NME9: variants seen among roughly 807,000 people sequenced by gnomAD.
NME9 encodes thioredoxin domain-containing protein 6.
In NME9, 48 loss-of-function variants were observed where a neutral mutation model predicts 44.4. The observed-to-expected ratio is 1.08, with a 90% confidence interval of 0.86 to 1.37. The LOEUF (loss-of-function observed/expected upper bound fraction) is 1.37, where lower values mean the gene tolerates loss of function less well. Among genes scored for constraint, NME9 ranks in the 40% most tolerant of loss-of-function variants. The pLI, the probability that NME9 is intolerant of heterozygous loss-of-function variation, is 0.00. For missense variants in NME9, 325 were observed against 405.2 expected, an observed-to-expected ratio of 0.80 and a Z score of 1.70; for synonymous variants, 139 against 147.1, an observed-to-expected ratio of 0.94 and a Z score of 0.40.
At chr3:138,270,258 T>C (rs2048663830) in intron 8 of NME9, 2 of 733,544 alleles carry the variant, frequency 2.7e-6, no homozygotes, top group Admixed American at 2.7e-5. Context: ...TATTTTGTTC[T>C]AGTTTTCTAA....
chr3:138,274,387 C>A, intron 8 of NME9: 3 of 1,089,804 alleles, frequency 2.8e-6, no homozygotes, highest in Non-Finnish European at 2.8e-6. Context: ...CTTTTAGAAG[C>A]CTTGTATTCG....
chr3:138,287,739 C>T, intron 8 of NME9: 1 of 456,292 alleles, frequency 2.2e-6, no homozygotes, highest in East Asian at 6.9e-5. Flanking sequence ...TTTGTCTCTG[C>T]TTAGTTGAAA....
At chr3:138,263,902 C>T in intron 8 of NME9, 1 of 1,251,244 alleles carries the variant, frequency 8.0e-7, no homozygotes, top group Non-Finnish European at 1.2e-6. Context: ...ACTGAGTAAA[C>T]ACAGACTACA....
At chr3:138,315,480 C>G in intron 5 of NME9, 47 bp downstream of exon 5, 1 of 1,292,444 alleles carries the variant, frequency 7.7e-7, no homozygotes, top group Non-Finnish European at 1.1e-6. Flanking sequence ...TCTCGCCCTA[C>G]TAGCGCACTT....
At chr3:138,284,562 T>C (rs2050224632) in intron 8 of NME9, 1 of 1,434,582 alleles carries the variant, frequency 7.0e-7, no homozygotes. Context: ...AGGATTAGAA[T>C]GCAGGGACTG....
Position 138,329,392 on chromosome 3 carries a change from C to T in NME9, c.-57G>A. The T allele has an allele frequency of 3.4e-5, 52 of 1,535,560 alleles. No homozygotes were observed. The highest frequency in any genetic ancestry group is 4.4e-5 in the Non-Finnish European group (50 of 1,146,658). ...GCGGCCGTGGGCCGTTCCCCCGCAGCCTCGCGACAAACCGCTGCGTGGATC... is the reference window on the plus strand; with the variant it reads ...GCGGCCGTGGGCCGTTCCCCCGCAGTCTCGCGACAAACCGCTGCGTGGATC... On this transcript the variant is annotated 5_prime_UTR_variant, in exon 1 of 11. Coordinates refer to ENST00000333911, the MANE Select transcript of NME9 (RefSeq NM_001349018.2).
Position 138,286,765 on chromosome 3 carries a change from C to G in NME9, c.745+16742G>C, listed in dbSNP as rs891640944. ...TGCCTTAGGAGAATCTCATCCACCC[C>G]CATAGCTTATACTATCATCACTGTG... On this transcript the variant is annotated intron_variant, in intron 8 of 8. Coordinates refer to the NME9 transcript ENST00000317876. Among the ~76,000 whole-genome samples, 3 of 152,168 alleles carry G rather than the reference C, an allele frequency of 2.0e-5. No individual in the cohort carries two copies. In the South Asian group the frequency reaches 6.2e-4, roughly 32 times the overall value.
At chr3:138,314,767 A>G (rs1303360526) in intron 5 of NME9, among the ~76,000 whole-genome samples, 1 of 152,250 alleles carries the variant, frequency 6.6e-6, no homozygotes, top group Non-Finnish European at 1.5e-5. Flanking sequence ...GAGGAGGCAC[A>G]TGAAAATGTT....
chr3:138,321,191 A>G (rs1206864966), intron 2 of NME9, among the ~76,000 whole-genome samples: 1 of 152,230 alleles, frequency 6.6e-6, no homozygotes, highest in South Asian at 2.1e-4. Context: ...ATTTTCAAGC[A>G]GTATAGCTTA....
intron 7 of NME9, 40 bp downstream of exon 7, chr3:138,306,358 C>T (rs2052259179): frequency 3.5e-6 from 5 of 1,436,322 alleles, no homozygotes; most frequent in East Asian, 2.3e-5. Context: ...CAAAAGAGGA[C>T]ACAAGGACAG....
At chr3:138,295,099 G>A (rs532114300) in intron 8 of NME9, among the ~76,000 whole-genome samples, 3 of 151,940 alleles carry the variant, frequency 2.0e-5, no homozygotes, top group Non-Finnish European at 4.4e-5. Flanking sequence ...GGGTTTCACC[G>A]TGTTGGCCAG....
chr3:138,308,885 T>C (rs2052472630), intron 6 of NME9, among the ~76,000 whole-genome samples: 1 of 149,554 alleles, frequency 6.7e-6, no homozygotes, highest in Non-Finnish European at 1.5e-5. Flanking sequence ...AGCAACAGGC[T>C]TCTCAATAGA....
chr3:138,295,798 A>G, intron 8 of NME9: 1 of 1,575,784 alleles, frequency 6.3e-7, no homozygotes, highest in Non-Finnish European at 8.7e-7. Flanking sequence ...ATTGAACCAT[A>G]GGGTTTTTTA....
chr3:138,318,075 A>T, intron 4 of NME9, 73 bp downstream of exon 4: 1 of 930,104 alleles, frequency 1.1e-6, no homozygotes, highest in Non-Finnish European at 1.8e-6. Flanking sequence ...AATTAATGTC[A>T]GTGAGATGCT....
intron 8 of NME9, among the ~76,000 whole-genome samples, chr3:138,291,764 A>G (rs1170182095): frequency 6.6e-6 from 1 of 152,228 alleles, no homozygotes; most frequent in Non-Finnish European, 1.5e-5. Context: ...GAGGAAGAGT[A>G]TTACAGACAG....
At chr3:138,285,965 G>A (rs1361277693) in intron 8 of NME9, among the ~76,000 whole-genome samples, 1 of 151,946 alleles carries the variant, frequency 6.6e-6, no homozygotes, top group East Asian at 1.9e-4. Context: ...TTTATTTTGA[G>A]ACAGGGTCTC....
intron 8 of NME9, chr3:138,288,977 G>GT (rs1560055971): frequency 1.1e-5 from 14 of 1,283,008 alleles, no homozygotes; most frequent in African/African-American, 1.5e-5. Context: ...GCTATGGTAG[G>GT]TCCCCCCAAA....
chr3:138,279,708 A>AT (rs1412792307), intron 8 of NME9, among the ~76,000 whole-genome samples: 1 of 152,270 alleles, frequency 6.6e-6, no homozygotes, highest in East Asian at 1.9e-4. Context: ...ACAAATTCAG[A>AT]TTTTTTAATA....
intron 9 of NME9, 129 bp from the exon 10 acceptor site, chr3:138,303,772 G>A (rs2052017704): frequency 1.3e-6 from 1 of 776,852 alleles, no homozygotes; most frequent in Non-Finnish European, 2.1e-6. Flanking sequence ...TTCTCTGCAG[G>A]AAATACCAAG....
Sources: gnomAD v4.1 joint callset for allele counts (sites outside exome capture counted in the v4.1 genomes callset) on GRCh38, gnomAD v4.1.1 for gene constraint, MANE v1.5 for transcripts, NCBI Gene and HGNC (gene_info 2026-07-23, HGNC 2026-07-21) for gene names.